The following NISCH variants were observed in gnomAD, a reference collection of about 807,000 sequenced individuals.
The protein encoded by NISCH is I-1 receptor candidate protein.
Under a neutral mutation model 138.4 loss-of-function variants are expected in NISCH, and 55 were observed. That is an observed-to-expected ratio of 0.40 (90% CI 0.32 to 0.50). The LOEUF (loss-of-function observed/expected upper bound fraction) is 0.50, where lower values mean the gene tolerates loss of function less well. NISCH is among the 20% of genes least tolerant of loss of function. The pLI is 0.71. For synonymous variants in NISCH, 860 were observed against 861.5 expected, an observed-to-expected ratio of 1.00 and a Z score of 0.03; for missense variants, 1,643 against 2,005.5, an observed-to-expected ratio of 0.82 and a Z score of 3.45.
rs9824342 is a variant in NISCH, at chr3:52,477,891, A to T, written c.988-206A>T. On this transcript the variant is annotated intron_variant, in intron 9 of 20. Coordinates refer to ENST00000345716, the MANE Select transcript of NISCH (RefSeq NM_007184.4). ...CTGAAGGTGGACAGCCATGTTTTCA[A>T]CGCCCACCCCAACTGTCTGCAGGGG... 46 of 645,266 alleles carry T rather than the reference A, an allele frequency of 7.1e-5. No homozygotes were observed. The South Asian group carries it at 7.6e-4, about 11-fold the overall frequency. 40.0% of individuals were successfully genotyped at this position (645,266 alleles called of 1,614,324 possible). A position where few individuals can be genotyped will look rare whatever the true frequency, so the allele number is the denominator to read the frequency against.
At chr3:52,474,720 C>T (rs1707052864) in intron 7 of NISCH, among the ~76,000 whole-genome samples, 1 of 152,234 alleles carries the variant, frequency 6.6e-6, no homozygotes, top group African/African-American at 2.4e-5. Context: ...GCATGAGCCA[C>T]TTCAGCCGGC....
At chr3:52,490,464 A>T (rs6445497) in intron 18 of NISCH, among the ~76,000 whole-genome samples, 152,050 of 152,316 alleles carry the variant, frequency 1, 75,893 homozygotes, top group Middle Eastern at 1. Flanking sequence ...GGGAACAGCC[A>T]GTGATGAGAA....
chr3:52,480,368 G>C, intron 13 of NISCH, 73 bp downstream of exon 13: 1 of 1,589,664 alleles, frequency 6.3e-7, no homozygotes, highest in Non-Finnish European at 8.6e-7. Flanking sequence ...GGCTGGGGTT[G>C]GGGGAGAGGT....
intron 3 of NISCH, among the ~76,000 whole-genome samples, chr3:52,467,768 G>A (rs990896997): frequency 6.6e-6 from 1 of 152,230 alleles, no homozygotes; most frequent in Non-Finnish European, 1.5e-5. Flanking sequence ...TCCCCTTAGA[G>A]GGGCTGTCAT....
chr3:52,492,852 GTTGCT>G lies in NISCH; in HGVS notation c.*371_*375del. 3.9e-6 allele frequency: 1 copy of G among 257,904 alleles called. No individual in the cohort carries two copies. 16.0% of individuals were successfully genotyped at this position (257,904 alleles called of 1,614,324 possible). A position where few individuals can be genotyped will look rare whatever the true frequency, so the allele number is the denominator to read the frequency against. On this transcript the variant is annotated 3_prime_UTR_variant, in exon 21 of 21. Coordinates refer to ENST00000345716, the MANE Select transcript of NISCH (RefSeq NM_007184.4). ...TGTTGCTGTTGCTGTTGCTGTTGCT[GTTGCT>G]GTTGCTGTTGGCATCTTGCTGCTAA...
intron 15 of NISCH, 143 bp downstream of exon 15, chr3:52,485,970 AC>A (rs1158178025): frequency 1.9e-5 from 14 of 722,808 alleles, no homozygotes; most frequent in Non-Finnish European, 3.3e-5. Flanking sequence ...CTCTAAAGAG[AC>A]ACAGATGAGA....
chr3:52,488,082 G>A lies in NISCH; in HGVS notation c.2590G>A (p.Asp864Asn). The A allele has an allele frequency of 6.2e-7, 1 of 1,612,872 alleles. No individual in the cohort carries two copies. Residue 864 changes from aspartate (D) to asparagine (N), a missense_variant, in exon 16 of 21, where the codon GAC becomes AAC. By Grantham distance (23) the Asp-to-Asn change is conservative (BLOSUM62 1). Coordinates refer to ENST00000345716, the MANE Select transcript of NISCH (RefSeq NM_007184.4). ...CTTCCCCGTCTACCTGGTCTACAGT[G>A]ACAAGCGCATGGTGCAGACGGCCGC... ...GCFPVYLVYS[D>N]KRMVQTAAGD...
At chr3:52,484,462 T>TGGCGCGCC in intron 13 of NISCH, 51 bp from the exon 14 acceptor site, 1 of 788,670 alleles carries the variant, frequency 1.3e-6, no homozygotes, top group Non-Finnish European at 1.8e-6. Context: ...ACAGCCGCTC[T>TGGCGCGCC]CCCCGCCCCA....
chr3:52,487,203 C>T lies in NISCH; in HGVS notation c.1711C>T (p.His571Tyr). 6.2e-7 allele frequency: 1 copy of T among 1,613,324 alleles called. No homozygotes were observed. The highest frequency in any genetic ancestry group is 8.5e-7 in the Non-Finnish European group (1 of 1,179,688). Reference sequence around the variant, plus strand: ...TGGCCTCTCCCTGCACAGCCCAGAACATGCCGAGCCGGAGGTCCAGGTGGT... The same window carrying T: ...TGGCCTCTCCCTGCACAGCCCAGAATATGCCGAGCCGGAGGTCCAGGTGGT... Reference protein sequence around the residue: ...PGAVGGASPEHAEPEVQVVPG... With the variant: ...PGAVGGASPEYAEPEVQVVPG... Residue 571 changes from histidine to tyrosine, a missense_variant, in exon 16 of 21, where the codon CAT (histidine) becomes TAT (tyrosine). His to Tyr is a moderately conservative substitution (Grantham distance 83). Coordinates refer to ENST00000345716, the MANE Select transcript of NISCH (RefSeq NM_007184.4). The surrounding 1 kb of genome is among the most constrained non-coding windows in gnomAD (Gnocchi z 9.1).
At chr3:52,467,248 G>A (rs1004344808) in intron 3 of NISCH, among the ~76,000 whole-genome samples, 4 of 152,060 alleles carry the variant, frequency 2.6e-5, no homozygotes, top group African/African-American at 4.8e-5. Flanking sequence ...TGATCCGCCC[G>A]CCTCGGCCTC....
chr3:52,462,049 C>G (rs140252196), intron 3 of NISCH, among the ~76,000 whole-genome samples: 8 of 152,152 alleles, frequency 5.3e-5, no homozygotes, highest in African/African-American at 1.2e-4. Flanking sequence ...CTGGACTGCT[C>G]TTTTGAAACT....
In NISCH at chr3:52,490,209, C is replaced by T. The variant is rs748280293; in HGVS notation, c.3591C>T (p.Arg1197=). Reference sequence around the variant, plus strand: ...TTGTGCTCCACGACGGCCTCCGCCGCTACTTCTCAGAGCCACTGCAGGGTA... The same window carrying T: ...TTGTGCTCCACGACGGCCTCCGCCGTTACTTCTCAGAGCCACTGCAGGGTA... ...VYFVLHDGLR[R]YFSEPLQDFW... The change falls in exon 18 of 21, where the codon CGC becomes CGT. Residue 1197 remains arginine, a synonymous_variant. Transcript: ENST00000345716. 1.9e-6 allele frequency: 3 copies of T among 1,613,062 alleles called. No homozygotes were observed. The highest frequency in any genetic ancestry group is 2.5e-6 in the Non-Finnish European group (3 of 1,180,000).
chr3:52,469,878 G>T (rs1367156491), intron 3 of NISCH, among the ~76,000 whole-genome samples: 2 of 150,084 alleles, frequency 1.3e-5, no homozygotes, highest in South Asian at 2.1e-4. Flanking sequence ...TTACACCACT[G>T]CACTCTAGCC....
At chr3:52,464,988 G>T (rs1214403954) in intron 3 of NISCH, among the ~76,000 whole-genome samples, 1 of 151,988 alleles carries the variant, frequency 6.6e-6, no homozygotes, top group Non-Finnish European at 1.5e-5. Flanking sequence ...TTTCTTGATG[G>T]TCTTCATTGA....
intron 3 of NISCH, 108 bp downstream of exon 3, chr3:52,458,952 C>A: frequency 1.1e-6 from 1 of 939,674 alleles, no homozygotes; most frequent in African/African-American, 1.6e-5. Context: ...GGGTTTGACC[C>A]TAGGTTAGAA....
intron 13 of NISCH, among the ~76,000 whole-genome samples, chr3:52,482,401 C>G (rs1415913050): frequency 1.3e-5 from 2 of 152,166 alleles, no homozygotes; most frequent in Non-Finnish European, 2.9e-5. Flanking sequence ...GGGTGGTCGC[C>G]AGAGTTGATT....
Position 52,490,784 on chromosome 3 carries a change from C to T in NISCH, c.3693C>T (p.Asp1231=). Residue 1231 remains aspartate (D), a synonymous_variant, in exon 19 of 21, where the codon GAC becomes GAT. Coordinates refer to ENST00000345716, the MANE Select transcript of NISCH (RefSeq NM_007184.4). ...AGTGCTTCGTGCTAAAGCTTAGTGA[C>T]CTGCAGTCAGTCAATGTGGGGCTTT... ...ISQCFVLKLS[D]LQSVNVGLFD... 3 of 1,614,216 alleles carry T rather than the reference C, an allele frequency of 1.9e-6. No homozygotes were observed. The highest frequency in any genetic ancestry group is 2.5e-6 in the Non-Finnish European group (3 of 1,180,042).
intron 8 of NISCH, 152 bp from the exon 9 acceptor site, chr3:52,477,422 G>C (rs1707128354): frequency 1.6e-6 from 1 of 631,802 alleles, no homozygotes; most frequent in Non-Finnish European, 2.9e-6. Context: ...TGGCTGGGCA[G>C]CGGGAGATGT....
chr3:52,474,290 TTTGTTGTTGTTG>T (rs778590888), intron 7 of NISCH, among the ~76,000 whole-genome samples: 1 of 151,726 alleles, frequency 6.6e-6, no homozygotes, highest in African/African-American at 2.4e-5. Flanking sequence ...AGTTTTGTTT[TTTGTTGTTGTTG>T]TTGTTGTTTT....
Sources: gnomAD v4.1 joint callset for allele counts (sites outside exome capture counted in the v4.1 genomes callset) on GRCh38, gnomAD v4.1.1 for gene constraint, Gnocchi (gnomAD v3.1) non-coding constraint, MANE v1.5 for transcripts, NCBI Gene and HGNC (gene_info 2026-07-23, HGNC 2026-07-21) for gene names.